Variants in SGIP1 observed in about 807,000 individuals in gnomAD.
SGIP1 encodes the protein SH3GL interacting endocytic adaptor 1, also known as SH3-containing GRB2-like protein 3-interacting protein 1.
In SGIP1, 38 loss-of-function variants were observed where a neutral mutation model predicts 107.5. The observed-to-expected ratio is 0.35, with a 90% CI of 0.27 to 0.46. SGIP1 has a LOEUF of 0.46. Among genes scored for constraint, SGIP1 ranks in the 20% least tolerant of loss-of-function variants. The pLI is 1.00. For synonymous variants in SGIP1, 365 were observed against 366.1 expected, an observed-to-expected ratio of 1.00 and a Z score of 0.03; for missense variants, 929 against 1,019.5, an observed-to-expected ratio of 0.91 and a Z score of 1.21.
At chr1:66,644,204 A>T (rs1182756453) in intron 7 of SGIP1, among the ~76,000 whole-genome samples, 1 of 152,176 alleles carries the variant, frequency 6.6e-6, no homozygotes, top group Non-Finnish European at 1.5e-5. Context: ...GTCTAAATCA[A>T]ATTTAAAACT....
At chr1:66,665,152 G>A (rs190737232) in intron 8 of SGIP1, among the ~76,000 whole-genome samples, 2 of 152,058 alleles carry the variant, frequency 1.3e-5, no homozygotes. Context: ...GTCCTGATGT[G>A]TGATGTTCCC....
chr1:66,620,193 C>T (rs546281004), intron 1 of SGIP1, among the ~76,000 whole-genome samples: 30 of 152,138 alleles, frequency 2.0e-4, no homozygotes, highest in African/African-American at 6.7e-4. Flanking sequence ...ACTCTTAAAG[C>T]CAGGAAATTC....
Position 66,742,942 on chromosome 1 carries a change from C to T in SGIP1, c.2465-131C>T, listed in dbSNP as rs1010064979. The stretch of plus-strand genomic sequence containing the variant: ...TTGGAAACTTTATGTATCTTTTATT[C>T]GTATTGTACCTCTGAAGTATGCAGT... On this transcript the variant is annotated intron_variant, in intron 24 of 24. Transcript: ENST00000371037. The T allele has an allele frequency of 5.9e-5, 48 of 818,326 alleles. No homozygotes were observed. In the African/African-American group the frequency reaches 6.5e-4, roughly 11 times the overall value. 50.7% of individuals were successfully genotyped at this position (818,326 alleles called of 1,614,324 possible).
Position 66,745,030 on chromosome 1 carries a change from A to G in SGIP1, c.*1935A>G, listed in dbSNP as rs1249878785. On this transcript the variant is annotated 3_prime_UTR_variant, in exon 25 of 25. Transcript: ENST00000371037. ...ATAACAATGTGTTTTTAAGTAATCA[A>G]TTCATTTAAAAAATTGAATATTAAT... The G allele has an allele frequency of 6.6e-6, 1 of 152,524 alleles. No individual in the cohort carries two copies. Among genetic ancestry groups the G allele is most frequent in the Non-Finnish European group, 1.5e-5 (1 of 67,902 alleles). The allele number at this position is 152,524 out of a possible 1,614,324, so 9.4% of individuals were successfully genotyped here.
chr1:66,719,765 A>G (rs1429318816), intron 19 of SGIP1, among the ~76,000 whole-genome samples: 2 of 152,164 alleles, frequency 1.3e-5, no homozygotes, highest in East Asian at 3.8e-4. Context: ...TGTGCAGATC[A>G]TGTCTTTTAT....
At chr1:66,536,770 C>T (rs1178830638) in intron 1 of SGIP1, among the ~76,000 whole-genome samples, 8 of 147,008 alleles carry the variant, frequency 5.4e-5, no homozygotes, top group African/African-American at 2.0e-4. Context: ...TAGTGTGTCT[C>T]ACACACACAC....
At chr1:66,727,318 A>G (rs2093801088) in intron 19 of SGIP1, among the ~76,000 whole-genome samples, 1 of 152,236 alleles carries the variant, frequency 6.6e-6, no homozygotes, top group East Asian at 1.9e-4. Flanking sequence ...ATCCTTAGCC[A>G]TTATGGAAAT....
At chr1:66,637,740 T>C (rs2076064174) in intron 4 of SGIP1, among the ~76,000 whole-genome samples, 1 of 151,282 alleles carries the variant, frequency 6.6e-6, no homozygotes, top group African/African-American at 2.4e-5. Flanking sequence ...AGTATATATA[T>C]ATATCTGTGT....
At chr1:66,683,923 G>A (rs1469937115) in intron 15 of SGIP1, among the ~76,000 whole-genome samples, 2 of 151,616 alleles carry the variant, frequency 1.3e-5, no homozygotes, top group East Asian at 1.9e-4. Flanking sequence ...CACCATATTG[G>A]CTAGGCTGGT....
At position 66,686,971 on chromosome 1, in the gene SGIP1, A is replaced by C. The variant is rs551735134; in HGVS notation, c.1316-2177A>C. 3.9e-3 allele frequency among the ~76,000 whole-genome samples: 589 copies of C among 152,330 alleles called. 10 individuals carry two copies. Among genetic ancestry groups the C allele is most frequent in the African/African-American group, 0.014 (565 of 41,574 alleles). On this transcript the variant is annotated intron_variant, in intron 15 of 24. Coordinates refer to ENST00000371037, the MANE Select transcript of SGIP1 (RefSeq NM_032291.4). ...GTTACAAATACCTTGTAAGGTAGAA[A>C]CAAGGCCTCACTGTTTAAAACAAGG...
At chr1:66,589,863 A>G (rs757397087) in intron 1 of SGIP1, among the ~76,000 whole-genome samples, 20 of 152,214 alleles carry the variant, frequency 1.3e-4, no homozygotes, top group Admixed American at 2.6e-4. Context: ...CTTAAGTCTC[A>G]TCTCTTCAAT....
intron 1 of SGIP1, among the ~76,000 whole-genome samples, chr1:66,549,826 T>C (rs2057118833): frequency 6.6e-6 from 1 of 152,130 alleles, no homozygotes; most frequent in South Asian, 2.1e-4. Flanking sequence ...GGCTACACAC[T>C]CATATTTTGG....
rs1553199748 is a variant in SGIP1 at position 66,749,152 on chromosome 1, A to ATAG, written c.*6058_*6059insAGT. Among the ~76,000 whole-genome samples, 1 of 151,446 alleles carries ATAG rather than the reference A, an allele frequency of 6.6e-6. No individual in the cohort carries two copies. Among genetic ancestry groups the ATAG allele is most frequent in the African/African-American group, 2.4e-5 (1 of 41,256 alleles). On this transcript the variant is annotated 3_prime_UTR_variant, in exon 25 of 25. Coordinates refer to ENST00000371037, the MANE Select transcript of SGIP1 (RefSeq NM_032291.4). ...AAAACAAAACAATAAAATTATTTTA[A>ATAG]TTTTTGTATTATTTTTAAGGCTTGC...
At chr1:66,695,542 C>A (rs2090748268) in intron 18 of SGIP1, 49 bp downstream of exon 18, 1 of 1,564,754 alleles carries the variant, frequency 6.4e-7, no homozygotes, top group South Asian at 1.1e-5. Flanking sequence ...CCTCCTCATC[C>A]TTATTTCCCC....
intron 18 of SGIP1, among the ~76,000 whole-genome samples, chr1:66,711,566 G>T (rs956447993): frequency 2.6e-5 from 4 of 152,112 alleles, no homozygotes; most frequent in African/African-American, 9.7e-5. Flanking sequence ...ACTCTTTGCT[G>T]CTTCATACAT....
intron 15 of SGIP1, among the ~76,000 whole-genome samples, chr1:66,684,723 C>T (rs1054571759): frequency 1.3e-5 from 2 of 152,216 alleles, no homozygotes; most frequent in South Asian, 4.2e-4. Context: ...ATAAAGCTCT[C>T]GAAGATATTT....
intron 1 of SGIP1, among the ~76,000 whole-genome samples, chr1:66,558,044 C>T (rs997862932): frequency 3.9e-5 from 6 of 151,992 alleles, no homozygotes; most frequent in Non-Finnish European, 8.8e-5. Context: ...TATCAGTATG[C>T]CTTCGATGTG....
chr1:66,575,241 T>C (rs2060902248), intron 1 of SGIP1, among the ~76,000 whole-genome samples: 1 of 152,128 alleles, frequency 6.6e-6, no homozygotes, highest in African/African-American at 2.4e-5. Context: ...ATGGGAGGGT[T>C]TATATTAGGT....
rs981873570 is a variant in SGIP1, at chr1:66,537,069, C to T, written c.10+2701C>T. Among the ~76,000 whole-genome samples, 6 of 152,296 alleles carry T rather than the reference C, an allele frequency of 3.9e-5. No homozygotes were observed. In the South Asian group the frequency reaches 1.2e-3, roughly 32 times the overall value. ...CAATCATAGATGATAAATGTTACTA[C>T]CTCCTCAGTGATCCTAATTTTGTGG... On this transcript the variant is annotated intron_variant, in intron 1 of 24. Coordinates refer to ENST00000371037, the MANE Select transcript of SGIP1 (RefSeq NM_032291.4).
Sources: gnomAD v4.1 joint callset for allele counts (sites outside exome capture counted in the v4.1 genomes callset) on GRCh38, gnomAD v4.1.1 for gene constraint, MANE v1.5 for transcripts, NCBI Gene and HGNC (gene_info 2026-07-23, HGNC 2026-07-21) for gene names.